Variants in NCAM2 observed in about 807,000 individuals in gnomAD.
NCAM2 encodes the protein N-CAM-2.
Under a neutral mutation model 98.1 loss-of-function variants are expected in NCAM2, and 30 were observed. The ratio of observed to expected loss-of-function variants is 0.31; its 90% CI spans 0.23 to 0.41. The LOEUF (loss-of-function observed/expected upper bound fraction) is 0.41, where lower values mean the gene tolerates loss of function less well. NCAM2 is among the 10% of genes least tolerant of loss of function. NCAM2 has a pLI of 1.00. For missense variants in NCAM2, 867 were observed against 1,005.8 expected, an observed-to-expected ratio of 0.86 and a Z score of 1.87; for synonymous variants, 368 against 342.4, an observed-to-expected ratio of 1.07 and a Z score of -0.83.
chr21:21,055,718 T>A (rs2065196690), intron 1 of NCAM2, among the ~76,000 whole-genome samples: 3 of 152,072 alleles, frequency 2.0e-5, no homozygotes, highest in African/African-American at 7.2e-5. Context: ...CACTTGAGAT[T>A]TGGGATTAGA....
intron 1 of NCAM2, among the ~76,000 whole-genome samples, chr21:21,221,049 T>C (rs974671647): frequency 6.6e-6 from 1 of 152,222 alleles, no homozygotes; most frequent in African/African-American, 2.4e-5. Flanking sequence ...GCAAACTTTC[T>C]CACTAATGTA....
intron 9 of NCAM2, among the ~76,000 whole-genome samples, chr21:21,393,954 A>G (rs1447790383): frequency 6.6e-6 from 1 of 152,150 alleles, no homozygotes; most frequent in Admixed American, 6.5e-5. Flanking sequence ...CACCTTACTT[A>G]TCAAATTTTT....
chr21:21,002,059 G>A (rs890323658), intron 1 of NCAM2, among the ~76,000 whole-genome samples: 2 of 152,128 alleles, frequency 1.3e-5, no homozygotes, highest in African/African-American at 4.8e-5. Context: ...TTTGATATCA[G>A]CCTCTCTGTG....
intron 1 of NCAM2, among the ~76,000 whole-genome samples, chr21:21,042,218 A>G (rs2064920153): frequency 6.6e-6 from 1 of 151,876 alleles, no homozygotes; most frequent in Non-Finnish European, 1.5e-5. Context: ...TCTTTTGCTC[A>G]TTTTTGCCCA....
At chr21:21,447,021 A>C (rs1242220420) in intron 12 of NCAM2, among the ~76,000 whole-genome samples, 1 of 152,082 alleles carries the variant, frequency 6.6e-6, no homozygotes, top group Non-Finnish European at 1.5e-5. Context: ...AAACTACCAT[A>C]GACATTCTTC....
intron 9 of NCAM2, among the ~76,000 whole-genome samples, chr21:21,407,241 T>C (rs1377860262): frequency 6.6e-6 from 1 of 152,246 alleles, no homozygotes; most frequent in African/African-American, 2.4e-5. Flanking sequence ...CTTGCTACTG[T>C]ATTGATATTT....
intron 1 of NCAM2, among the ~76,000 whole-genome samples, chr21:21,131,130 C>T (rs896299638): frequency 1.3e-5 from 2 of 152,064 alleles, no homozygotes; most frequent in Non-Finnish European, 2.9e-5. Flanking sequence ...TGTGTTAACA[C>T]TTATGAAAAT....
rs568323243 is a variant in NCAM2 at position 21,047,865 on chromosome 21, A to G, written c.55+49247A>G. On this transcript the variant is annotated intron_variant, in intron 1 of 17. Coordinates refer to ENST00000400546, the MANE Select transcript of NCAM2 (RefSeq NM_004540.5). ...GAGGTCTGGGAAGTCATGTCCTACA[A>G]ATCATAAATTCTCATCACATGGATT... 7.2e-5 allele frequency among the ~76,000 whole-genome samples: 11 copies of G among 152,324 alleles called. 2 individuals carry two copies. In the South Asian group the frequency reaches 2.3e-3, roughly 32 times the overall value.
At chr21:21,359,236 T>A (rs1344995583) in intron 8 of NCAM2, among the ~76,000 whole-genome samples, 2 of 152,006 alleles carry the variant, frequency 1.3e-5, no homozygotes, top group African/African-American at 4.8e-5. Context: ...TATAAGTCCC[T>A]GCTGGGCAGT....
chr21:21,173,803 C>A (rs914470853), intron 1 of NCAM2, among the ~76,000 whole-genome samples: 1 of 152,182 alleles, frequency 6.6e-6, no homozygotes, highest in South Asian at 2.1e-4. Flanking sequence ...ATCAATGAGA[C>A]CTTTGATGAA....
chr21:21,014,819 T>C (rs1413561180), intron 1 of NCAM2, among the ~76,000 whole-genome samples: 4 of 152,216 alleles, frequency 2.6e-5, no homozygotes, highest in Non-Finnish European at 5.9e-5. Context: ...GAAAACCTTC[T>C]GGAAATTCAC....
intron 1 of NCAM2, among the ~76,000 whole-genome samples, chr21:21,225,183 C>T (rs947323119): frequency 2.6e-5 from 4 of 152,088 alleles, no homozygotes; most frequent in Non-Finnish European, 5.9e-5. Flanking sequence ...CACATGTTCT[C>T]ACTTAAAGTG....
intron 1 of NCAM2, among the ~76,000 whole-genome samples, chr21:21,258,489 AG>A: frequency 6.6e-6 from 1 of 152,170 alleles, no homozygotes; most frequent in Non-Finnish European, 1.5e-5. Context: ...CCCCACAGAA[AG>A]GGTAAGTGGG....
chr21:21,034,054 G>A (rs34640933), intron 1 of NCAM2, among the ~76,000 whole-genome samples: 7 of 147,862 alleles, frequency 4.7e-5, no homozygotes, highest in East Asian at 4.5e-4. Context: ...ATAGGCAAAG[G>A]GGGGGGGGAA....
At position 21,125,254 on chromosome 21, in the gene NCAM2, G is replaced by T. The variant is rs562298990; in HGVS notation, c.55+126636G>T. Among the ~76,000 whole-genome samples, 59 of 145,498 alleles carry T rather than the reference G, an allele frequency of 4.1e-4. 1 individual carries two copies. In the South Asian group the frequency reaches 7.3e-3, roughly 18 times the overall value. On this transcript the variant is annotated intron_variant, in intron 1 of 17. Coordinates refer to ENST00000400546, the MANE Select transcript of NCAM2 (RefSeq NM_004540.5). ...CCAAATGAATACTCATCATTTCTTC[G>T]TAAAGAATATTTATTCAACTGTATC...
chr21:21,161,754 A>G (rs1461469667), intron 1 of NCAM2, among the ~76,000 whole-genome samples: 1 of 152,020 alleles, frequency 6.6e-6, no homozygotes, highest in Non-Finnish European at 1.5e-5. Context: ...TATATATGCA[A>G]ACTCCATAGA....
At chr21:21,187,621 G>A (rs1013967889) in intron 1 of NCAM2, among the ~76,000 whole-genome samples, 1 of 152,154 alleles carries the variant, frequency 6.6e-6, no homozygotes, top group Admixed American at 6.6e-5. Flanking sequence ...TTAAATAAAT[G>A]ATTTGGAATT....
intron 1 of NCAM2, among the ~76,000 whole-genome samples, chr21:21,205,993 A>G (rs2069423172): frequency 6.6e-6 from 1 of 152,152 alleles, no homozygotes; most frequent in South Asian, 2.1e-4. Flanking sequence ...TACATTGGTG[A>G]TTAGGTGTCA....
rs1491296663 is a variant in NCAM2 at position 21,134,081 on chromosome 21, T to TC, written c.55+135467dup. Among the ~76,000 whole-genome samples, 359 of 101,960 alleles carry TC rather than the reference T, an allele frequency of 3.5e-3. 3 individuals are homozygous for TC. The highest frequency in any genetic ancestry group is 0.012 in the African/African-American group (339 of 28,404). The allele number at this position is 101,960 out of a possible 152,430, so 66.9% of individuals were successfully genotyped here. A position where few individuals can be genotyped will look rare whatever the true frequency, so the allele number is the denominator to read the frequency against. On this transcript the variant is annotated intron_variant, in intron 1 of 17. Transcript: ENST00000400546. ...CTTCCTCTCTTTTTTTTTTTTTTTTTCCCCTGAGATGATGTCTCGCTCTGT... is the reference window on the plus strand; with the variant it reads ...CTTCCTCTCTTTTTTTTTTTTTTTTTCCCCCTGAGATGATGTCTCGCTCTGT...
Sources: gnomAD v4.1 joint callset for allele counts (sites outside exome capture counted in the v4.1 genomes callset) on GRCh38, gnomAD v4.1.1 for gene constraint, MANE v1.5 for transcripts, NCBI Gene and HGNC (gene_info 2026-07-23, HGNC 2026-07-21) for gene names.